REDIC1: variants seen among roughly 807,000 people sequenced by gnomAD.
The protein encoded by REDIC1 is HEI10 Interacting Protein 1.
At chr12:39,801,663 C>T in the REDIC1 span, among the ~76,000 whole-genome samples, 2 of 152,156 alleles carry the variant, frequency 1.3e-5, no homozygotes, top group Admixed American at 6.5e-5. Context: ...TTTTCTTTTC[C>T]TAGCTCTGCC....
At chr12:39,703,770 A>G in the REDIC1 span, among the ~76,000 whole-genome samples, 1 of 152,190 alleles carries the variant, frequency 6.6e-6, no homozygotes, top group Non-Finnish European at 1.5e-5. Flanking sequence ...CTCAGTAATA[A>G]CGCCACATAT....
the REDIC1 span, among the ~76,000 whole-genome samples, chr12:39,805,925 A>G: frequency 1.3e-5 from 2 of 152,196 alleles, no homozygotes. Context: ...AGGTAATTGA[A>G]TCTAACAGCA....
chr12:39,683,210 ATAT>A, the REDIC1 span: 4 of 1,405,680 alleles, frequency 2.8e-6, no homozygotes, highest in African/African-American at 4.4e-5. Context: ...ATATATTTGT[ATAT>A]TCATACACAC....
At chr12:39,783,961 A>T in the REDIC1 span, among the ~76,000 whole-genome samples, 2 of 152,178 alleles carry the variant, frequency 1.3e-5, no homozygotes, top group Non-Finnish European at 2.9e-5. Flanking sequence ...ATCATGAGTG[A>T]ACTCCCATTC....
chr12:39,682,506 A>G, the REDIC1 span: 1 of 675,288 alleles, frequency 1.5e-6, no homozygotes, highest in Non-Finnish European at 2.2e-6. Context: ...GTCTAGGTAA[A>G]TGTTAGTAGC....
At chr12:39,713,229 T>C in the REDIC1 span, among the ~76,000 whole-genome samples, 1 of 138,280 alleles carries the variant, frequency 7.2e-6, no homozygotes, top group Non-Finnish European at 1.5e-5. Context: ...ATTACACATA[T>C]ACGTGTATAT....
chr12:39,637,777 C>A, the REDIC1 span, among the ~76,000 whole-genome samples: 1 of 151,920 alleles, frequency 6.6e-6, no homozygotes, highest in Admixed American at 6.6e-5. Context: ...TTATTTTTGT[C>A]ATATATAAAG....
chr12:39,652,596 G>T, the REDIC1 span, among the ~76,000 whole-genome samples: 1 of 152,048 alleles, frequency 6.6e-6, no homozygotes, highest in Admixed American at 6.5e-5. Flanking sequence ...TTAATTTGAT[G>T]AAGTCCGACA....
chr12:39,700,773 G>T, the REDIC1 span, among the ~76,000 whole-genome samples: 15 of 152,022 alleles, frequency 9.9e-5, no homozygotes, highest in African/African-American at 3.6e-4. Flanking sequence ...GAGAGTGGGG[G>T]CCAATATTCA....
chr12:39,749,762 C>T, the REDIC1 span, among the ~76,000 whole-genome samples: 1 of 152,198 alleles, frequency 6.6e-6, no homozygotes, highest in Non-Finnish European at 1.5e-5. Flanking sequence ...GCTGGTTCAA[C>T]ATACGGAAAT....
the REDIC1 span, among the ~76,000 whole-genome samples, chr12:39,851,176 A>T: frequency 1.3e-5 from 2 of 152,218 alleles, no homozygotes; most frequent in African/African-American, 2.4e-5. Context: ...CTGAGATTAC[A>T]GGCATGAGTC....
At chr12:39,655,152 T>TA in the REDIC1 span, among the ~76,000 whole-genome samples, 1 of 152,178 alleles carries the variant, frequency 6.6e-6, no homozygotes. Context: ...TTCAATTTTG[T>TA]AGGTCTTTTT....
the REDIC1 span, among the ~76,000 whole-genome samples, chr12:39,817,737 T>C: frequency 6.6e-6 from 1 of 152,226 alleles, no homozygotes; most frequent in Non-Finnish European, 1.5e-5. Flanking sequence ...CGTATGCAGA[T>C]GCCAAACACT....
the REDIC1 span, among the ~76,000 whole-genome samples, chr12:39,894,674 C>T: frequency 1.3e-5 from 2 of 152,118 alleles, no homozygotes; most frequent in Non-Finnish European, 2.9e-5. Flanking sequence ...AGGTCAGGGC[C>T]AACAGCTAAA....
the REDIC1 span, among the ~76,000 whole-genome samples, chr12:39,744,166 A>G: frequency 6.6e-6 from 1 of 152,240 alleles, no homozygotes; most frequent in Non-Finnish European, 1.5e-5. Flanking sequence ...CCATGCAAGC[A>G]TGAAAAGAGT....
chr12:39,750,130 C>A, the REDIC1 span, among the ~76,000 whole-genome samples: 1 of 152,172 alleles, frequency 6.6e-6, no homozygotes, highest in Admixed American at 6.5e-5. Context: ...GTCAAATTGT[C>A]CCTGTTTGCA....
chr12:39,805,543 C>A, the REDIC1 span, among the ~76,000 whole-genome samples: 1 of 151,714 alleles, frequency 6.6e-6, no homozygotes, highest in Admixed American at 6.6e-5. Context: ...AGACTTTATT[C>A]CCATAGGCCT....
At chr12:39,800,762 C>T in the REDIC1 span, among the ~76,000 whole-genome samples, 77 of 4,342 alleles carry the variant, frequency 0.018, no homozygotes, top group African/African-American at 0.07. Context: ...ACCCAAAGGA[C>T]TATAAATCAT....
chr12:39,888,445 G>A, the REDIC1 span, among the ~76,000 whole-genome samples: 6 of 152,230 alleles, frequency 3.9e-5, 1 homozygote, highest in African/African-American at 1.2e-4. Context: ...GGCTGAACTC[G>A]AACTGCTGAC....
Sources: allele counts gnomAD v4.1 joint callset (sites outside exome capture counted in the v4.1 genomes callset), GRCh38; gene constraint gnomAD v4.1.1; transcripts MANE v1.5; gene names NCBI Gene and HGNC (gene_info 2026-07-23, HGNC 2026-07-21).